ST3GAL3: variants seen among roughly 807,000 people sequenced by gnomAD.
ST3GAL3 encodes the protein CMP-N-acetylneuraminate-beta-1,4-galactoside alpha-2,3-sialyltransferase.
Under a neutral mutation model 50.1 loss-of-function variants are expected in ST3GAL3, and 21 were observed. That is an observed-to-expected ratio of 0.42 (90% CI 0.30 to 0.60). ST3GAL3 has a LOEUF of 0.60. ST3GAL3 is among the 20% of genes least tolerant of loss of function. The probability of loss-of-function intolerance (pLI) is 0.19; values close to 1 mark genes in which losing one functional copy is unlikely to be tolerated. For synonymous variants in ST3GAL3, 183 were observed against 190.0 expected, an observed-to-expected ratio of 0.96 and a Z score of 0.30; for missense variants, 353 against 489.4, an observed-to-expected ratio of 0.72 and a Z score of 2.63.
intron 5 of ST3GAL3, among the ~76,000 whole-genome samples, chr1:43,856,164 G>C (rs896564243): frequency 1.3e-5 from 2 of 152,202 alleles, no homozygotes; most frequent in Admixed American, 1.3e-4. Flanking sequence ...AAAGAGCCAA[G>C]ATCTTAAGAA....
At chr1:43,880,626 C>T (rs928952356) in intron 5 of ST3GAL3, among the ~76,000 whole-genome samples, 3 of 152,176 alleles carry the variant, frequency 2.0e-5, no homozygotes, top group Admixed American at 6.5e-5. Flanking sequence ...TCTGTCCTCT[C>T]CTTCACTACC....
intron 5 of ST3GAL3, chr1:43,838,607 G>A: frequency 2.5e-6 from 1 of 394,328 alleles, no homozygotes; most frequent in Non-Finnish European, 4.8e-6. Flanking sequence ...AGAGAAGGCT[G>A]CCAAGCACAG....
intron 3 of ST3GAL3, chr1:43,801,388 AC>A (rs1261867866): frequency 2.2e-6 from 1 of 456,170 alleles, no homozygotes; most frequent in South Asian, 1.5e-5. Context: ...ATCATGTACA[AC>A]CGTATTCCTT....
At chr1:43,721,624 G>A (rs1321608083) in intron 1 of ST3GAL3, among the ~76,000 whole-genome samples, 1 of 151,312 alleles carries the variant, frequency 6.6e-6, no homozygotes, top group African/African-American at 2.4e-5. Flanking sequence ...TTTGTTTTGA[G>A]ACAGAGTTTC....
intron 1 of ST3GAL3, among the ~76,000 whole-genome samples, chr1:43,732,753 G>T (rs965137552): frequency 6.6e-6 from 1 of 152,080 alleles, no homozygotes; most frequent in African/African-American, 2.4e-5. Flanking sequence ...AGTTGCTAAT[G>T]AACATTCATG....
chr1:43,922,373 G>C (rs1482531551), intron 11 of ST3GAL3: 1 of 152,022 alleles, frequency 6.6e-6, no homozygotes, highest in Admixed American at 6.6e-5. Context: ...GTGGTGGTGG[G>C]CACCTGTGAT....
At chr1:43,772,636 C>T (rs1443347724) in intron 2 of ST3GAL3, 2 of 151,912 alleles carry the variant, frequency 1.3e-5, no homozygotes, top group Non-Finnish European at 2.9e-5. Context: ...GATCCCATGG[C>T]CCCAGTGTCC....
intron 4 of ST3GAL3, among the ~76,000 whole-genome samples, chr1:43,817,329 C>G (rs951408337): frequency 6.7e-6 from 1 of 148,846 alleles, no homozygotes; most frequent in African/African-American, 2.6e-5. Context: ...GCTTCTTCTT[C>G]TTCCTTCTTC....
chr1:43,820,233 G>A (rs1215469280), intron 4 of ST3GAL3, among the ~76,000 whole-genome samples: 2 of 152,142 alleles, frequency 1.3e-5, no homozygotes, highest in Non-Finnish European at 2.9e-5. Context: ...AATAAATGGT[G>A]TTGGGATAAC....
At chr1:43,809,321 G>A (rs1245491596) in intron 3 of ST3GAL3, among the ~76,000 whole-genome samples, 4 of 152,180 alleles carry the variant, frequency 2.6e-5, no homozygotes, top group Non-Finnish European at 5.9e-5. Context: ...GATGAAAAAT[G>A]TACTGGATGA....
chr1:43,769,953 A>C (rs1415824632), intron 2 of ST3GAL3, among the ~76,000 whole-genome samples: 2 of 152,212 alleles, frequency 1.3e-5, no homozygotes, highest in East Asian at 3.8e-4. Flanking sequence ...AAGCGAGTAC[A>C]GAATTACACT....
At chr1:43,761,129 G>A (rs1264448216) in intron 2 of ST3GAL3, among the ~76,000 whole-genome samples, 1 of 152,244 alleles carries the variant, frequency 6.6e-6, no homozygotes, top group Non-Finnish European at 1.5e-5. Context: ...ACTAGGCTGA[G>A]CAGTGGAAGA....
intron 2 of ST3GAL3, among the ~76,000 whole-genome samples, chr1:43,788,144 C>T (rs2057579903): frequency 6.6e-6 from 1 of 152,216 alleles, no homozygotes. Context: ...ATAAGCATTA[C>T]TATAATTCTG....
chr1:43,823,748 A>G (rs188710919), intron 4 of ST3GAL3, among the ~76,000 whole-genome samples: 1 of 152,362 alleles, frequency 6.6e-6, no homozygotes, highest in African/African-American at 2.4e-5. Context: ...CTTAGTGATC[A>G]ATTAATAAAT....
In ST3GAL3 at chr1:43,930,259, C is replaced by G. The variant is rs113021100; in HGVS notation, c.*38C>G. ...CATGGCCATAGAGGCCCAGGCACCACCAGGAGCAGCAGCCAGCACCACCTA... is the reference window on the plus strand; with the variant it reads ...CATGGCCATAGAGGCCCAGGCACCAGCAGGAGCAGCAGCCAGCACCACCTA... On this transcript the variant is annotated 3_prime_UTR_variant, in exon 12 of 12. Coordinates refer to ENST00000347631, the MANE Select transcript of ST3GAL3 (RefSeq NM_006279.5). 4 of 1,586,504 alleles carry G rather than the reference C, an allele frequency of 2.5e-6. No individual in the cohort carries two copies. Among genetic ancestry groups the G allele is most frequent in the African/African-American group, 1.3e-5 (1 of 74,516 alleles).
chr1:43,712,470 T>C (rs912285951), intron 1 of ST3GAL3, among the ~76,000 whole-genome samples: 2 of 152,180 alleles, frequency 1.3e-5, no homozygotes, highest in African/African-American at 4.8e-5. Flanking sequence ...CCAGGCTCTG[T>C]GCTAGGTGGT....
At chr1:43,856,922 T>C (rs1434343406) in intron 5 of ST3GAL3, among the ~76,000 whole-genome samples, 2 of 151,930 alleles carry the variant, frequency 1.3e-5, no homozygotes, top group African/African-American at 4.9e-5. Flanking sequence ...GGAGCTGCGG[T>C]AGACATCCAG....
chr1:43,738,959 G>A (rs1285570247), intron 2 of ST3GAL3: 1 of 152,092 alleles, frequency 6.6e-6, no homozygotes, highest in African/African-American at 2.4e-5. Context: ...AGATAGCAGG[G>A]TCTTTATACT....
intron 9 of ST3GAL3, among the ~76,000 whole-genome samples, chr1:43,900,341 G>A (rs1259807301): frequency 6.6e-6 from 1 of 152,188 alleles, no homozygotes; most frequent in African/African-American, 2.4e-5. Flanking sequence ...TGATCATTGG[G>A]AATGATCAGG....
Sources: gnomAD v4.1 joint callset for allele counts (sites outside exome capture counted in the v4.1 genomes callset) on GRCh38, gnomAD v4.1.1 for gene constraint, MANE v1.5 for transcripts, NCBI Gene and HGNC (gene_info 2026-07-23, HGNC 2026-07-21) for gene names.